The following ARID4B variants were observed in gnomAD, a reference collection of about 807,000 sequenced individuals.
ARID4B encodes the protein AT-rich interaction domain 4B.
A neutral mutation model predicts 147.5 loss-of-function variants in ARID4B; 26 were observed. That is an observed-to-expected ratio of 0.18 (90% CI 0.13 to 0.24). ARID4B has a LOEUF of 0.24. Among genes scored for constraint, ARID4B ranks in the 10% least tolerant of loss-of-function variants. The probability of loss-of-function intolerance (pLI) is 1.00; values close to 1 mark genes in which losing one functional copy is unlikely to be tolerated. For missense variants in ARID4B, 1,179 were observed against 1,511.5 expected (o/e 0.78, Z 3.65); for synonymous variants, 512 against 507.9 (o/e 1.01, Z -0.11).
At chr1:235,315,027 T>C (rs1674332079) in intron 2 of ARID4B, among the ~76,000 whole-genome samples, 1 of 152,192 alleles carries the variant, frequency 6.6e-6, no homozygotes. Flanking sequence ...AATAGAACTT[T>C]TATATAGGAT....
chr1:235,202,572 C>T (rs1488082235), intron 17 of ARID4B, among the ~76,000 whole-genome samples: 2 of 149,066 alleles, frequency 1.3e-5, no homozygotes, highest in Admixed American at 6.7e-5. Flanking sequence ...TTTTTTGAGA[C>T]GGAGTCTTGC....
At chr1:235,191,973 G>A (rs1384656678) in intron 19 of ARID4B, among the ~76,000 whole-genome samples, 1 of 152,088 alleles carries the variant, frequency 6.6e-6, no homozygotes, top group Non-Finnish European at 1.5e-5. Context: ...AGCTACTTAG[G>A]AGGCTGAGAT....
At chr1:235,304,774 T>C (rs561237385) in intron 2 of ARID4B, among the ~76,000 whole-genome samples, 2 of 152,166 alleles carry the variant, frequency 1.3e-5, no homozygotes, top group African/African-American at 4.8e-5. Flanking sequence ...GCAGATAAGA[T>C]CAAGCAGAAA....
At position 235,252,813 on chromosome 1, in the gene ARID4B, T is replaced by C. The variant is rs1558248337; in HGVS notation, c.275-4A>G. On this transcript the variant is annotated splice_polypyrimidine_tract_variant and splice_region_variant and intron_variant, in intron 5 of 23. Coordinates refer to ENST00000264183, the MANE Select transcript of ARID4B (RefSeq NM_016374.6). ...TTCTCATCTCCGTCATCAAAAACTA[T>C]GAGAGGGGGTAAAAATGGAAGCTAC... 12 of 1,607,352 alleles carry C rather than the reference T, an allele frequency of 7.5e-6. No homozygotes were observed. Among genetic ancestry groups the C allele is most frequent in the East Asian group, 2.2e-5 (1 of 44,494 alleles).
chr1:235,327,137 T>A (rs1572255952), intron 1 of ARID4B, 169 bp from the exon 2 acceptor site: 1 of 578,308 alleles, frequency 1.7e-6, no homozygotes, highest in Non-Finnish European at 3.1e-6. Flanking sequence ...GGCCCCGCCA[T>A]CCCCGCAAAC....
chr1:235,313,855 A>C lies in ARID4B; in HGVS notation c.6+13059T>G, dbSNP rs149486712. 2.0e-5 allele frequency among the ~76,000 whole-genome samples: 3 copies of C among 152,320 alleles called. No homozygotes were observed. In the East Asian group the frequency reaches 5.8e-4, roughly 29 times the overall value. On this transcript the variant is annotated intron_variant, in intron 2 of 23. Transcript: ENST00000264183. ...ATCTGGTTATCACCTTCTACTAAAC[A>C]TTCTGTTTTTAAGGATTTCAGAAGG...
rs762394225 is a variant in ARID4B, at chr1:235,219,986, G to A, written c.1408-18C>T. Reference sequence around the variant, plus strand: ...TTACTTCCCTAGAAAAAGATCAGAGGAAAGAAACCAACAAAAGTAAAAATT... The same window carrying A: ...TTACTTCCCTAGAAAAAGATCAGAGAAAAGAAACCAACAAAAGTAAAAATT... On this transcript the variant is annotated intron_variant, in intron 15 of 23. Coordinates refer to ENST00000264183, the MANE Select transcript of ARID4B (RefSeq NM_016374.6). 6.7e-6 allele frequency: 10 copies of A among 1,488,064 alleles called. No individual in the cohort carries two copies. The highest frequency in any genetic ancestry group is 2.6e-5 in the Admixed American group (1 of 38,562). 92.2% of individuals were successfully genotyped at this position (1,488,064 alleles called of 1,614,324 possible). A position where few individuals can be genotyped will look rare whatever the true frequency, so the allele number is the denominator to read the frequency against.
chr1:235,256,669 C>T (rs774440825), intron 4 of ARID4B, among the ~76,000 whole-genome samples: 22 of 152,124 alleles, frequency 1.4e-4, no homozygotes, highest in Non-Finnish European at 2.5e-4. Context: ...GTAAGAGCTC[C>T]GATTTTTTTG....
At position 235,240,402 on chromosome 1, in the gene ARID4B, T is replaced by C. The variant is rs1179170541; in HGVS notation, c.496A>G (p.Arg166Gly). The change falls in exon 8 of 24, where the codon AGG becomes GGG. Residue 166 changes from arginine (R) to glycine (G), a missense_variant. Arg to Gly is a moderately radical substitution (Grantham distance 125). This residue lies in a region of ARID4B where 159 missense variants were observed against 190.5 expected (regional missense o/e 0.83). Coordinates refer to ENST00000264183, the MANE Select transcript of ARID4B (RefSeq NM_016374.6). ...SSSSDEDEDD[R>G]KQIDELLGKV... is the part of the protein sequence containing the mutation. ...CCTAGTAGCTCATCAATCTGTTTCCTATCATCCTCATCTTCATCACTGGAG... is the reference window on the plus strand; with the variant it reads ...CCTAGTAGCTCATCAATCTGTTTCCCATCATCCTCATCTTCATCACTGGAG... The C allele has an allele frequency of 3.7e-6, 6 of 1,613,520 alleles. No homozygotes were observed. In the South Asian group the frequency reaches 4.4e-5, roughly 12 times the overall value.
intron 22 of ARID4B, among the ~76,000 whole-genome samples, chr1:235,173,775 T>A (rs1458665418): frequency 0.02 from 433 of 22,082 alleles, 4 homozygotes; most frequent in Middle Eastern, 0.083. Context: ...AAAAAAAATA[T>A]ATATATATAT....
At chr1:235,263,960 C>T (rs1186987635) in intron 2 of ARID4B, among the ~76,000 whole-genome samples, 1 of 151,580 alleles carries the variant, frequency 6.6e-6, no homozygotes, top group African/African-American at 2.4e-5. Flanking sequence ...TGCCACTGCA[C>T]TCCAGCCTGG....
chr1:235,172,784 A>C lies in ARID4B; in HGVS notation c.3665-20T>G. 6.6e-7 allele frequency: 1 copy of C among 1,511,286 alleles called. No individual in the cohort carries two copies. Among genetic ancestry groups the C allele is most frequent in the Non-Finnish European group, 8.8e-7 (1 of 1,134,000 alleles). 93.6% of individuals were successfully genotyped at this position (1,511,286 alleles called of 1,614,324 possible). On this transcript the variant is annotated intron_variant, in intron 22 of 23. Coordinates refer to ENST00000264183, the MANE Select transcript of ARID4B (RefSeq NM_016374.6). ...GGTCCGCTATAAATTTAAAGCTTTC[A>C]TTAACAGACATTTTTAAAGAAAATT... is the stretch of plus-strand genomic sequence containing the variant.
intron 2 of ARID4B, among the ~76,000 whole-genome samples, chr1:235,315,335 T>C (rs1674357879): frequency 6.6e-6 from 1 of 152,104 alleles, no homozygotes; most frequent in Non-Finnish European, 1.5e-5. Flanking sequence ...GTGACTGAGG[T>C]AGGAAGATCA....
intron 2 of ARID4B, among the ~76,000 whole-genome samples, chr1:235,325,397 A>C (rs536286326): frequency 2.5e-4 from 38 of 152,232 alleles, no homozygotes; most frequent in African/African-American, 9.1e-4. Flanking sequence ...GGAAGAAAAA[A>C]AACATTTTAA....
intron 2 of ARID4B, among the ~76,000 whole-genome samples, chr1:235,326,453 TTC>T (rs3840453): frequency 1.2e-4 from 18 of 152,250 alleles, no homozygotes; most frequent in Admixed American, 5.2e-4. Flanking sequence ...ATCACAAAAA[TTC>T]TCTTTTTAAA....
Position 235,199,475 on chromosome 1 carries a change from A to C in ARID4B, c.1842-3360T>G, listed in dbSNP as rs751896698. Among the ~76,000 whole-genome samples the C allele has an allele frequency of 3.4e-4, 52 of 152,230 alleles. 1 individual carries two copies. Among genetic ancestry groups the C allele is most frequent in the Admixed American group, 3.3e-3 (51 of 15,274 alleles). ...CTAGAGCATATCTTAAAAATTTATC[A>C]GGGCCTTTATTTCACAAGTTAAGAA... is the stretch of plus-strand genomic sequence containing the variant. On this transcript the variant is annotated intron_variant, in intron 17 of 23. Coordinates refer to ENST00000264183, the MANE Select transcript of ARID4B (RefSeq NM_016374.6).
chr1:235,243,418 C>G (rs1572062724), intron 7 of ARID4B, among the ~76,000 whole-genome samples: 1 of 152,208 alleles, frequency 6.6e-6, no homozygotes, highest in Non-Finnish European at 1.5e-5. Flanking sequence ...GATTTTTATT[C>G]ATTTCTGACA....
At chr1:235,265,697 A>C (rs1214797230) in intron 2 of ARID4B, among the ~76,000 whole-genome samples, 1 of 42,108 alleles carries the variant, frequency 2.4e-5, no homozygotes, top group Non-Finnish European at 5.2e-5. Context: ...ACCTTGTCTC[A>C]AAAAAAAAAG....
chr1:235,175,564 C>A, intron 21 of ARID4B, 165 bp from the exon 22 acceptor site: 23 of 604,198 alleles, frequency 3.8e-5, no homozygotes, highest in African/African-American at 7.4e-5. Flanking sequence ...TTAGGAAAAG[C>A]AAAAACAAAA....
Sources: gnomAD v4.1 joint callset for allele counts (sites outside exome capture counted in the v4.1 genomes callset) on GRCh38, gnomAD v4.1.1 for gene constraint, gnomAD v4.1.1 regional missense constraint, MANE v1.5 for transcripts, NCBI Gene and HGNC (gene_info 2026-07-23, HGNC 2026-07-21) for gene names.